ARHGAP26: variants seen among roughly 807,000 people sequenced by gnomAD.
ARHGAP26 encodes Rho GTPase activating protein 26, also known as rho GTPase-activating protein 26.
Under a neutral mutation model 104.8 loss-of-function variants are expected in ARHGAP26, and 38 were observed. That is an observed-to-expected ratio of 0.36 (90% CI 0.28 to 0.48). ARHGAP26 has a LOEUF of 0.48. ARHGAP26 is among the 20% of genes least tolerant of loss of function. The pLI, the probability that ARHGAP26 is intolerant of heterozygous loss-of-function variation, is 0.99. For synonymous variants in ARHGAP26, 341 were observed against 340.0 expected, an observed-to-expected ratio of 1.00 and a Z score of -0.03; for missense variants, 704 against 947.9, an observed-to-expected ratio of 0.74 and a Z score of 3.38.
intron 11 of ARHGAP26, among the ~76,000 whole-genome samples, chr5:142,989,602 A>G (rs1276091523): frequency 6.6e-6 from 1 of 152,154 alleles, no homozygotes; most frequent in Non-Finnish European, 1.5e-5. Context: ...ATGTTTTTGC[A>G]GTGGCTGGTA....
chr5:143,188,318 G>T (rs997312889), intron 20 of ARHGAP26, among the ~76,000 whole-genome samples: 1 of 152,170 alleles, frequency 6.6e-6, no homozygotes, highest in Admixed American at 6.5e-5. Flanking sequence ...AGAACCACAA[G>T]GCCAGAGCAG....
chr5:142,859,468 G>A (rs372380456), intron 1 of ARHGAP26: 1 of 152,118 alleles, frequency 6.6e-6, no homozygotes, highest in South Asian at 2.1e-4. Flanking sequence ...ATCTGCCCAT[G>A]TTCTTCTAAA....
chr5:143,078,410 T>G (rs1353228591), intron 17 of ARHGAP26, among the ~76,000 whole-genome samples: 1 of 152,202 alleles, frequency 6.6e-6, no homozygotes, highest in Non-Finnish European at 1.5e-5. Context: ...GGTTTTTTAT[T>G]TTGGTCAGTA....
intron 1 of ARHGAP26, among the ~76,000 whole-genome samples, chr5:142,795,795 A>G (rs1422238808): frequency 6.6e-6 from 1 of 152,180 alleles, no homozygotes; most frequent in East Asian, 1.9e-4. Flanking sequence ...AAAGGGGCTG[A>G]ATTTATCCCC....
intron 11 of ARHGAP26, among the ~76,000 whole-genome samples, chr5:142,980,194 A>G (rs751679157): frequency 5.3e-5 from 8 of 152,128 alleles, no homozygotes; most frequent in Non-Finnish European, 1.0e-4. Context: ...GCAGTATAAT[A>G]CCTGTGAGAC....
chr5:143,009,510 A>G (rs1358037079), intron 11 of ARHGAP26, among the ~76,000 whole-genome samples: 1 of 152,228 alleles, frequency 6.6e-6, no homozygotes. Context: ...GGCTGGTATG[A>G]GAACCGAATA....
At chr5:143,098,103 A>C (rs1792678523) in intron 17 of ARHGAP26, among the ~76,000 whole-genome samples, 1 of 152,180 alleles carries the variant, frequency 6.6e-6, no homozygotes, top group South Asian at 2.1e-4. Context: ...GTTCTACTTG[A>C]GAACCTAATT....
At chr5:142,939,698 G>A (rs1765961365) in intron 11 of ARHGAP26, among the ~76,000 whole-genome samples, 1 of 152,232 alleles carries the variant, frequency 6.6e-6, no homozygotes, top group Admixed American at 6.5e-5. Flanking sequence ...CACAGCCCAA[G>A]TTTAAATCCT....
chr5:142,962,247 G>A (rs1208325513), intron 11 of ARHGAP26, among the ~76,000 whole-genome samples: 1 of 152,202 alleles, frequency 6.6e-6, no homozygotes, highest in Non-Finnish European at 1.5e-5. Context: ...TGACAAATTT[G>A]AAATTGTGCT....
At chr5:143,106,594 TC>T (rs559373922) in intron 17 of ARHGAP26, among the ~76,000 whole-genome samples, 498 of 144,450 alleles carry the variant, frequency 3.4e-3, no homozygotes, top group Non-Finnish European at 5.3e-3. Flanking sequence ...TGCCTCAGCC[TC>T]CCGAGTAGCT....
At position 143,225,776 on chromosome 5, in the gene ARHGAP26, G is replaced by C; in HGVS notation, c.*3330G>C. 1 of 230,268 alleles carries C rather than the reference G, an allele frequency of 4.3e-6. No homozygotes were observed. 14.3% of individuals were successfully genotyped at this position (230,268 alleles called of 1,614,324 possible). On this transcript the variant is annotated 3_prime_UTR_variant, in exon 23 of 23. Coordinates refer to ENST00000645722, the MANE Select transcript of ARHGAP26 (RefSeq NM_001135608.3). ...AGCTGCTGCCAATGGGATCTTTCAG[G>C]TACCCCCTCCCCAGCTTCCCTGTGG...
At chr5:142,847,259 A>G (rs1456113165) in intron 1 of ARHGAP26, among the ~76,000 whole-genome samples, 1 of 152,192 alleles carries the variant, frequency 6.6e-6, no homozygotes, top group Non-Finnish European at 1.5e-5. Flanking sequence ...AATTACTATT[A>G]TTAGGTACTG....
chr5:142,859,572 T>C (rs927256054), intron 1 of ARHGAP26: 1 of 152,264 alleles, frequency 6.6e-6, no homozygotes, highest in Non-Finnish European at 1.5e-5. Flanking sequence ...ATCTGACTTA[T>C]ATGCAGAATC....
intron 17 of ARHGAP26, among the ~76,000 whole-genome samples, chr5:143,083,087 TG>T (rs1790047631): frequency 6.6e-6 from 1 of 152,246 alleles, no homozygotes; most frequent in Admixed American, 6.5e-5. Context: ...GCAGTCTCTA[TG>T]TATCTTGGGG....
chr5:143,008,564 T>A (rs1279471039), intron 11 of ARHGAP26, among the ~76,000 whole-genome samples: 2 of 152,204 alleles, frequency 1.3e-5, no homozygotes, highest in East Asian at 3.8e-4. Flanking sequence ...AGAGTTTGGA[T>A]GTGCATTTGG....
At chr5:143,074,147 AT>A (rs910318052) in intron 17 of ARHGAP26, among the ~76,000 whole-genome samples, 2 of 151,884 alleles carry the variant, frequency 1.3e-5, no homozygotes, top group Admixed American at 6.6e-5. Flanking sequence ...AAGTACACCA[AT>A]TTTTTTTCTG....
At chr5:143,184,832 CGT>C (rs1159523519) in intron 20 of ARHGAP26, among the ~76,000 whole-genome samples, 3 of 152,250 alleles carry the variant, frequency 2.0e-5, no homozygotes, top group African/African-American at 7.2e-5. Context: ...AGGGAAGGAA[CGT>C]GTGTGAGGCC....
At chr5:142,800,712 T>G (rs1230259386) in intron 1 of ARHGAP26, among the ~76,000 whole-genome samples, 1 of 152,174 alleles carries the variant, frequency 6.6e-6, no homozygotes, top group African/African-American at 2.4e-5. Context: ...ATAGACCTGC[T>G]TATGGTGTCA....
intron 18 of ARHGAP26, among the ~76,000 whole-genome samples, chr5:143,125,004 G>C (rs1436564289): frequency 6.6e-6 from 1 of 152,182 alleles, no homozygotes; most frequent in Non-Finnish European, 1.5e-5. Flanking sequence ...CAGGCATCTG[G>C]TGGTAGTGAC....
Sources: allele counts gnomAD v4.1 joint callset (sites outside exome capture counted in the v4.1 genomes callset), GRCh38; gene constraint gnomAD v4.1.1; transcripts MANE v1.5; gene names NCBI Gene and HGNC (gene_info 2026-07-23, HGNC 2026-07-21).